TRANK1: variants seen among roughly 807,000 people sequenced by gnomAD.
TRANK1 encodes the protein tetratricopeptide repeat and ankyrin repeat containing 1.
Under a neutral mutation model 266.0 loss-of-function variants are expected in TRANK1, and 198 were observed. The ratio of observed to expected loss-of-function variants is 0.74; its 90% CI spans 0.66 to 0.84. The LOEUF (loss-of-function observed/expected upper bound fraction) is 0.84. Among genes scored for constraint, TRANK1 ranks in the 40% least tolerant of loss-of-function variants. The pLI is 0.00. For synonymous variants in TRANK1, 1,396 were observed against 1,384.1 expected (o/e 1.01, Z -0.19); for missense variants, 3,326 against 3,634.6 (o/e 0.92, Z 2.18).
chr3:36,911,295 C>T (rs913743124), intron 1 of TRANK1, among the ~76,000 whole-genome samples: 4 of 152,090 alleles, frequency 2.6e-5, no homozygotes, highest in Admixed American at 6.5e-5. Context: ...TTAAAAGCCA[C>T]GCCTTTGGGA....
intron 3 of TRANK1, among the ~76,000 whole-genome samples, chr3:36,899,685 C>T (rs1559462169): frequency 6.6e-6 from 1 of 152,214 alleles, no homozygotes; most frequent in East Asian, 1.9e-4. Context: ...GGATTTCTAA[C>T]CAACACTGGA....
chr3:36,917,744 G>A (rs983689503), intron 1 of TRANK1, among the ~76,000 whole-genome samples: 1 of 152,098 alleles, frequency 6.6e-6, no homozygotes, highest in Non-Finnish European at 1.5e-5. Context: ...TCTCAATGGG[G>A]CAATATTGCC....
At chr3:36,938,109 C>T (rs914553682) in intron 1 of TRANK1, among the ~76,000 whole-genome samples, 1 of 152,172 alleles carries the variant, frequency 6.6e-6, no homozygotes, top group East Asian at 1.9e-4. Flanking sequence ...AGGAGCTCCC[C>T]GTAGACAAAA....
chr3:36,942,782 A>G (rs1167456973), intron 1 of TRANK1, among the ~76,000 whole-genome samples: 1 of 151,498 alleles, frequency 6.6e-6, no homozygotes, highest in Admixed American at 6.6e-5. Context: ...GTCTCCTCAT[A>G]CTCTGGGAGA....
intron 1 of TRANK1, among the ~76,000 whole-genome samples, chr3:36,943,685 G>T (rs2080529687): frequency 6.6e-6 from 1 of 150,680 alleles, no homozygotes; most frequent in Non-Finnish European, 1.5e-5. Context: ...CCGGATAACA[G>T]CCTTATATCA....
chr3:36,847,029 A>C lies in TRANK1; in HGVS notation c.5034+171T>G, dbSNP rs539284945. On this transcript the variant is annotated intron_variant, in intron 16 of 23. Transcript: ENST00000645898. The stretch of plus-strand genomic sequence containing the variant: ...CAAGCCCAGTTCTCTACTAAAAAAA[A>C]TGGAATTTACCAAAACTGAGATCCC... Among the ~76,000 whole-genome samples the C allele has an allele frequency of 6.9e-4, 105 of 152,292 alleles. No homozygotes were observed. In the Middle Eastern group the frequency reaches 0.01, roughly 15 times the overall value.
chr3:36,856,566 G>A lies in TRANK1; in HGVS notation c.3156C>T (p.Phe1052=), dbSNP rs764054340. 1 of 1,614,028 alleles carries A rather than the reference G, an allele frequency of 6.2e-7. No individual in the cohort carries two copies. The part of the protein sequence containing the change: ...NDTTATVEYP[F]RVGELEYAVI... ...CCGCGTACTCAAGCTCACCCACCCG[G>A]AAGGGGTACTCCACTGTGGCTGTCG... Residue 1052 remains phenylalanine, a synonymous_variant, in exon 13 of 24, where the codon TTC becomes TTT. Coordinates refer to ENST00000645898, the MANE Select transcript of TRANK1 (RefSeq NM_001329998.2).
At chr3:36,924,864 C>T (rs924722306) in intron 1 of TRANK1, among the ~76,000 whole-genome samples, 5 of 152,206 alleles carry the variant, frequency 3.3e-5, no homozygotes, top group Non-Finnish European at 5.9e-5. Flanking sequence ...GGAGCCCCCC[C>T]GGACAGAATC....
intron 11 of TRANK1, among the ~76,000 whole-genome samples, chr3:36,860,570 C>A (rs902808276): frequency 3.0e-4 from 45 of 152,156 alleles, no homozygotes; most frequent in African/African-American, 1.0e-3. Flanking sequence ...CAAAGTCTAG[C>A]CAGAGGTCAG....
At chr3:36,894,196 G>T (rs965393810) in intron 5 of TRANK1, among the ~76,000 whole-genome samples, 4 of 152,194 alleles carry the variant, frequency 2.6e-5, no homozygotes, top group Admixed American at 2.6e-4. Context: ...TAATCTATTA[G>T]GAGTTGCCTG....
rs1559448861 is a variant in TRANK1, at chr3:36,879,817, T to TATACAAATATATGTAAAC, written c.908-5522_908-5521insGTTTACATATATTTGTAT. On this transcript the variant is annotated intron_variant, in intron 8 of 23. Transcript: ENST00000645898. Reference sequence around the variant, plus strand: ...ATATAAATATACAAATATATGTAAATATACAAATATATGTAAATATACAAA... The same window carrying TATACAAATATATGTAAAC: ...ATATAAATATACAAATATATGTAAATATACAAATATATGTAAACATACAAATATATGTAAATATACAAA... Among the ~76,000 whole-genome samples, 16 of 112,488 alleles carry TATACAAATATATGTAAAC rather than the reference T, an allele frequency of 1.4e-4. 3 individuals carry two copies. Among genetic ancestry groups the TATACAAATATATGTAAAC allele is most frequent in the East Asian group, 9.4e-4 (3 of 3,184 alleles). The allele number at this position is 112,488 out of a possible 152,430, so 73.8% of individuals were successfully genotyped here. A position where few individuals can be genotyped will look rare whatever the true frequency, so the allele number is the denominator to read the frequency against.
At chr3:36,850,381 A>C in intron 15 of TRANK1, 1 of 985,456 alleles carries the variant, frequency 1.0e-6, no homozygotes, top group Non-Finnish European at 1.2e-6. Flanking sequence ...AGGAAGGAAA[A>C]TGGAAAGAGA....
Position 36,832,995 on chromosome 3 carries a change from A to G in TRANK1, c.6588T>C (p.Ile2196=), listed in dbSNP as rs746834193. ...TTTCATCCTCACATTTTAAGCCTAC[A>G]ATAAACCTCATGCAGACTCCTCGGT... ...KTYRGVCMRF[I]VGLKCEDENC... is the part of the protein sequence containing the mutation. Residue 2196 remains isoleucine (I), a synonymous_variant, in exon 22 of 24, where the codon ATT becomes ATC. Coordinates refer to ENST00000645898, the MANE Select transcript of TRANK1 (RefSeq NM_001329998.2). 3 of 1,611,870 alleles carry G rather than the reference A, an allele frequency of 1.9e-6. No homozygotes were observed. The highest frequency in any genetic ancestry group is 1.3e-5 in the African/African-American group (1 of 74,888).
chr3:36,875,612 G>A (rs2079376453), intron 8 of TRANK1, among the ~76,000 whole-genome samples: 2 of 152,334 alleles, frequency 1.3e-5, no homozygotes, highest in South Asian at 2.1e-4. Flanking sequence ...GCCACTAAGT[G>A]TATGGTGACA....
chr3:36,831,463 G>C lies in TRANK1; in HGVS notation c.8120C>G (p.Ala2707Gly). The change falls in exon 22 of 24, where the codon GCC becomes GGC. Residue 2707 changes from alanine to glycine, a missense_variant. Physicochemically the swap from Ala to Gly is moderately conservative, Grantham distance 60. Coordinates refer to ENST00000645898, the MANE Select transcript of TRANK1 (RefSeq NM_001329998.2). This position sits in a 1 kb window ranked among gnomAD's most constrained non-coding sequence, Gnocchi z 5.0. ...CCGTTGCTTTTGGGAAAGAATGGTG[G>C]CCAGGACGTGGTCTCGGTCTTCTAA... ...LALEDRDHVL[A>G]TILSQKQRKA... is the part of the protein sequence containing the mutation. 1 of 1,613,006 alleles carries C rather than the reference G, an allele frequency of 6.2e-7. No homozygotes were observed. Among genetic ancestry groups the C allele is most frequent in the African/African-American group, 1.3e-5 (1 of 74,986 alleles).
At chr3:36,859,984 T>C (rs1022448108) in intron 11 of TRANK1, among the ~76,000 whole-genome samples, 4 of 152,192 alleles carry the variant, frequency 2.6e-5, no homozygotes, top group African/African-American at 9.6e-5. Context: ...CACAATGTCT[T>C]GTGTGTTACT....
Position 36,924,645 on chromosome 3 carries a change from A to G in TRANK1, c.24-16191T>C, listed in dbSNP as rs903260003. On this transcript the variant is annotated intron_variant, in intron 1 of 23. Coordinates refer to ENST00000645898, the MANE Select transcript of TRANK1 (RefSeq NM_001329998.2). ...CTAAAAAGAAAGACGCAGAGACAAA[A>G]ACCAGGCTCAACTGTTGGCTGCTTC... Among the ~76,000 whole-genome samples, 5 of 152,178 alleles carry G rather than the reference A, an allele frequency of 3.3e-5. No individual in the cohort carries two copies. In the South Asian group the frequency reaches 1.0e-3, roughly 31 times the overall value.
chr3:36,897,378 T>C (rs1199203869), intron 4 of TRANK1, among the ~76,000 whole-genome samples: 2 of 152,224 alleles, frequency 1.3e-5, no homozygotes, highest in Non-Finnish European at 2.9e-5. Context: ...TGGCTACTGT[T>C]GGCAAAAGAC....
At chr3:36,886,151 T>C (rs1281730728) in intron 8 of TRANK1, among the ~76,000 whole-genome samples, 1 of 115,832 alleles carries the variant, frequency 8.6e-6, no homozygotes, top group Non-Finnish European at 1.7e-5. Context: ...TTTTTTTTTT[T>C]TGAGACAAGT....
Sources: allele counts gnomAD v4.1 joint callset (sites outside exome capture counted in the v4.1 genomes callset), GRCh38; gene constraint gnomAD v4.1.1; non-coding constraint Gnocchi (gnomAD v3.1); transcripts MANE v1.5; gene names NCBI Gene and HGNC (gene_info 2026-07-23, HGNC 2026-07-21).